Variants in DNAH17 observed in about 807,000 individuals in gnomAD.
DNAH17 encodes the protein axonemal beta dynein heavy chain 17.
Under a neutral mutation model 485.6 loss-of-function variants are expected in DNAH17, and 376 were observed. The ratio of observed to expected loss-of-function variants is 0.77; its 90% CI spans 0.71 to 0.84. The LOEUF (loss-of-function observed/expected upper bound fraction) is 0.84, where lower values mean the gene tolerates loss of function less well. Ranked by LOEUF, DNAH17 falls within the 40% of genes least tolerant of loss-of-function variation. DNAH17 has a pLI of 0.00. For synonymous variants in DNAH17, 3,031 were observed against 2,405.9 expected (o/e 1.26, Z -7.60); for missense variants, 6,370 against 5,839.3 (o/e 1.09, Z -2.96).
At position 78,514,741 on chromosome 17, in the gene DNAH17, G is replaced by T. The variant is rs766830849; in HGVS notation, c.4113+33C>A. ...CCTGCAGCAGAGCTGGCCGCCAGGG[G>T]CGGTCCCCTCCGCCCACCATGGTGC... On this transcript the variant is annotated intron_variant, in intron 26 of 80. Transcript: ENST00000389840. The T allele has an allele frequency of 7.5e-6, 12 of 1,605,552 alleles. No individual in the cohort carries two copies. In the Admixed American group the frequency reaches 1.2e-4, roughly 16 times the overall value.
At position 78,479,537 on chromosome 17, in the gene DNAH17, C is replaced by A; in HGVS notation, c.7848G>T (p.Ser2616=). 3.7e-6 allele frequency: 6 copies of A among 1,613,548 alleles called. No homozygotes were observed. The highest frequency in any genetic ancestry group is 5.1e-6 in the Non-Finnish European group (6 of 1,179,868). Residue 2616 remains serine (S), a synonymous_variant, in exon 50 of 81, where the codon TCG becomes TCT. Transcript: ENST00000389840. ...TTATCCTCTGGATAGCCATGGAGAC[C>A]GAGCGGAAGGCCAGGTGCTGCGTCA... is the stretch of plus-strand genomic sequence containing the variant. ...TILTQHLAFR[S]VSMAIQRISS...
At chr17:78,511,118 TTTTC>T (rs1186359806) in intron 26 of DNAH17, among the ~76,000 whole-genome samples, 2 of 152,122 alleles carry the variant, frequency 1.3e-5, no homozygotes, top group Admixed American at 1.3e-4. Context: ...CACAGGTCTG[TTTTC>T]TTTCTTTCTT....
At chr17:78,547,128 A>G (rs1323622354) in intron 16 of DNAH17, among the ~76,000 whole-genome samples, 3 of 152,070 alleles carry the variant, frequency 2.0e-5, no homozygotes, top group African/African-American at 7.2e-5. Flanking sequence ...TTATATACTT[A>G]CCTCTTTATA....
At chr17:78,555,286 G>A (rs982278639) in intron 14 of DNAH17, among the ~76,000 whole-genome samples, 43 of 151,870 alleles carry the variant, frequency 2.8e-4, no homozygotes, top group Non-Finnish European at 4.0e-4. Flanking sequence ...CTTCCCAGTC[G>A]AGGAACCCTG....
intron 25 of DNAH17, among the ~76,000 whole-genome samples, chr17:78,524,061 C>T (rs1478790367): frequency 1.3e-5 from 2 of 152,176 alleles, no homozygotes; most frequent in Non-Finnish European, 2.9e-5. Flanking sequence ...ATCCTTACCT[C>T]GTATTAGGAG....
At chr17:78,518,768 A>T (rs61167584) in intron 25 of DNAH17, among the ~76,000 whole-genome samples, 4,427 of 152,300 alleles carry the variant, frequency 0.029, 97 homozygotes, top group African/African-American at 0.053. Flanking sequence ...AAAGCTTAAT[A>T]CATTTAAAAT....
Position 78,445,568 on chromosome 17 carries a change from C to T in DNAH17, c.11324G>A (p.Gly3775Asp), listed in dbSNP as rs1272833149. Reference protein sequence around the residue: ...PVDFLQHQGWGGIKALSEMDE... With the variant: ...PVDFLQHQGWDGIKALSEMDE... ...CGTCTAAAGACGAACCTTGATCCCG[C>T]CCCAGCCTTGATGCTGGAGGAAGTC... Residue 3775 changes from glycine to aspartate, a missense_variant, in exon 70 of 81, where the codon GGC (glycine) becomes GAC (aspartate). Physicochemically the swap from Gly to Asp is moderately conservative, Grantham distance 94. Coordinates refer to ENST00000389840, the MANE Select transcript of DNAH17 (RefSeq NM_173628.4). 1.3e-6 allele frequency: 2 copies of T among 1,561,540 alleles called. No individual in the cohort carries two copies. Among genetic ancestry groups the T allele is most frequent in the Admixed American group, 1.9e-5 (1 of 52,324 alleles).
At chr17:78,538,185 T>C (rs951039993) in intron 18 of DNAH17, among the ~76,000 whole-genome samples, 10 of 150,498 alleles carry the variant, frequency 6.6e-5, no homozygotes, top group Admixed American at 4.0e-4. Flanking sequence ...TTGTTTCCAT[T>C]GTTCTGGGTT....
chr17:78,534,536 C>A (rs1035416783), intron 19 of DNAH17, among the ~76,000 whole-genome samples: 1 of 152,210 alleles, frequency 6.6e-6, no homozygotes, highest in Non-Finnish European at 1.5e-5. Context: ...TTGGCTCCCA[C>A]CCCTCCTCAT....
In DNAH17 at chr17:78,569,479, C is replaced by T; in HGVS notation, c.1093G>A (p.Glu365Lys). ...ATGCCACTCAGGACTTCCTCGATTT[C>T]ACCTTGCAGGCCCTTCAGCACCTCT... ...PEEVLKGLQG[E>K]IEEVLSGISL... The change falls in exon 8 of 81, where the codon GAA becomes AAA. Residue 365 changes from glutamate to lysine, a missense_variant. Glu to Lys is a moderately conservative substitution (Grantham distance 56). Coordinates refer to ENST00000389840, the MANE Select transcript of DNAH17 (RefSeq NM_173628.4). The T allele has an allele frequency of 6.2e-7, 1 of 1,610,838 alleles. No individual in the cohort carries two copies. Among genetic ancestry groups the T allele is most frequent in the Non-Finnish European group, 8.5e-7 (1 of 1,178,482 alleles).
Position 78,485,776 on chromosome 17 carries a change from G to A in DNAH17, c.7276-19C>T. On this transcript the variant is annotated intron_variant, in intron 46 of 80. Transcript: ENST00000389840. ...AAGAGGCCTGGGGCAGGGGAGGGAA[G>A]GGGAGGGAGCTGTGATTCTCAGACA... The A allele has an allele frequency of 6.2e-7, 1 of 1,611,422 alleles. No individual in the cohort carries two copies. The highest frequency in any genetic ancestry group is 1.1e-5 in the South Asian group (1 of 90,810).
chr17:78,434,288 G>A (rs2086789884), intron 74 of DNAH17, 68 bp from the exon 75 acceptor site: 1 of 1,477,278 alleles, frequency 6.8e-7, no homozygotes, highest in Non-Finnish European at 9.2e-7. Flanking sequence ...GCCCCTGAGG[G>A]TGACCAGCGT....
At chr17:78,547,094 C>A (rs557798503) in intron 16 of DNAH17, among the ~76,000 whole-genome samples, 2 of 152,110 alleles carry the variant, frequency 1.3e-5, no homozygotes, top group South Asian at 2.1e-4. Flanking sequence ...TGGAATGTAA[C>A]CTTTTACAAC....
chr17:78,483,843 T>C (rs1317474355), intron 48 of DNAH17, among the ~76,000 whole-genome samples: 1 of 151,794 alleles, frequency 6.6e-6, no homozygotes, highest in African/African-American at 2.4e-5. Context: ...ACACCTCTAA[T>C]CCCAGCACTT....
Position 78,574,868 on chromosome 17 carries a change from G to T in DNAH17, c.190C>A (p.Pro64Thr), listed in dbSNP as rs2092411716. ...LTLNAAGMII[P>T]CLGFPQSLKS... Reference sequence around the variant, plus strand: ...AGGGACTGGGGGAAGCCCAGGCAGGGTATGATCATGCCGGCTGCATTGAGC... The same window carrying T: ...AGGGACTGGGGGAAGCCCAGGCAGGTTATGATCATGCCGGCTGCATTGAGC... The change falls in exon 2 of 81, where the codon CCC (proline) becomes ACC (threonine). Residue 64 changes from proline (P) to threonine (T), a missense_variant. Transcript: ENST00000389840. The T allele has an allele frequency of 1.9e-6, 3 of 1,613,926 alleles. No homozygotes were observed. The highest frequency in any genetic ancestry group is 2.5e-6 in the Non-Finnish European group (3 of 1,179,912).
chr17:78,518,002 AC>A (rs1343596440), intron 25 of DNAH17, among the ~76,000 whole-genome samples: 5 of 152,144 alleles, frequency 3.3e-5, no homozygotes, highest in African/African-American at 1.2e-4. Flanking sequence ...CACTAAGAAA[AC>A]TATATAAAGC....
At chr17:78,476,836 G>T (rs1437564404) in intron 51 of DNAH17, 103 bp from the exon 52 acceptor site, 2 of 1,387,262 alleles carry the variant, frequency 1.4e-6, no homozygotes, top group Admixed American at 5.1e-5. Context: ...CCGGGGCGAG[G>T]GGACCTGTTC....
At chr17:78,518,504 A>G (rs1315157845) in intron 25 of DNAH17, among the ~76,000 whole-genome samples, 1 of 152,194 alleles carries the variant, frequency 6.6e-6, no homozygotes, top group East Asian at 1.9e-4. Flanking sequence ...CAAAGCAAAA[A>G]CTGATGGAGC....
chr17:78,505,433 G>C lies in DNAH17; in HGVS notation c.4816C>G (p.Leu1606Val). ...CACAGGCTATCGAAGAGTTTGGACA[G>C]GTGGCGGCTCACCTGGGAGGAGGCA... ...GNDPVEVSRH[L>V]SKLFDSLCKL... The change falls in exon 31 of 81, where the codon CTG (leucine) becomes GTG (valine). Residue 1606 changes from leucine to valine, a missense_variant. Transcript: ENST00000389840. The C allele has an allele frequency of 6.2e-7, 1 of 1,614,020 alleles. No homozygotes were observed. Among genetic ancestry groups the C allele is most frequent in the Non-Finnish European group, 8.5e-7 (1 of 1,179,886 alleles).
Sources: gnomAD v4.1 joint callset for allele counts (sites outside exome capture counted in the v4.1 genomes callset) on GRCh38, gnomAD v4.1.1 for gene constraint, MANE v1.5 for transcripts, NCBI Gene and HGNC (gene_info 2026-07-23, HGNC 2026-07-21) for gene names.